MDFIC2: variants seen among roughly 807,000 people sequenced by gnomAD.
MDFIC2 encodes the protein MyoD family inhibitor domain containing 2.
intron 2 of MDFIC2, among the ~76,000 whole-genome samples, chr3:70,247,572 A>G (rs1341910679): frequency 6.6e-6 from 1 of 151,892 alleles, no homozygotes; most frequent in Non-Finnish European, 1.5e-5. Flanking sequence ...TATCAATGCC[A>G]CAACTCAATT....
At chr3:70,235,488 G>A (rs115307687) in intron 2 of MDFIC2, among the ~76,000 whole-genome samples, 195 of 152,314 alleles carry the variant, frequency 1.3e-3, no homozygotes, top group Non-Finnish European at 2.6e-3. Context: ...ATTGTTGAAT[G>A]AATGTTAAAC....
intron 2 of MDFIC2, among the ~76,000 whole-genome samples, chr3:70,235,013 G>A (rs1475421109): frequency 6.6e-6 from 1 of 152,162 alleles, no homozygotes; most frequent in Non-Finnish European, 1.5e-5. Flanking sequence ...GTGTAGCCAG[G>A]CTTGAGAACC....
chr3:70,216,026 C>T (rs7638748), intron 2 of MDFIC2, among the ~76,000 whole-genome samples: 3 of 151,710 alleles, frequency 2.0e-5, no homozygotes, highest in Non-Finnish European at 4.4e-5. Context: ...TGTGAAAATA[C>T]AAAAAGATAC....
chr3:70,216,597 A>AT (rs1559537274), intron 2 of MDFIC2, among the ~76,000 whole-genome samples: 1 of 152,030 alleles, frequency 6.6e-6, no homozygotes, highest in Non-Finnish European at 1.5e-5. Flanking sequence ...CTAGATAGAG[A>AT]TTTTTTAAGT....
At position 70,196,402 on chromosome 3, in the gene MDFIC2, T is replaced by C. The variant is rs1437684043; in HGVS notation, c.*524A>G. Among the ~76,000 whole-genome samples, 1 of 152,306 alleles carries C rather than the reference T, an allele frequency of 6.6e-6. No individual in the cohort carries two copies. The highest frequency in any genetic ancestry group is 2.4e-5 in the African/African-American group (1 of 41,570). On this transcript the variant is annotated 3_prime_UTR_variant, in exon 4 of 4. Coordinates refer to ENST00000567252, the MANE Select transcript of MDFIC2 (RefSeq NM_001364677.1). Reference sequence around the variant, plus strand: ...CCCTTTCCTACCTAAACTGTACATATAAGTGAATTTTAAGAGACTGTATAA... The same window carrying C: ...CCCTTTCCTACCTAAACTGTACATACAAGTGAATTTTAAGAGACTGTATAA...
At chr3:70,208,928 G>T (rs961466408) in intron 2 of MDFIC2, among the ~76,000 whole-genome samples, 2 of 152,010 alleles carry the variant, frequency 1.3e-5, no homozygotes, top group African/African-American at 4.8e-5. Flanking sequence ...CAGAAATAGG[G>T]ATTCAAGAAA....
At chr3:70,243,630 A>G (rs1575605109) in intron 2 of MDFIC2, among the ~76,000 whole-genome samples, 2 of 152,282 alleles carry the variant, frequency 1.3e-5, no homozygotes, top group East Asian at 3.9e-4. Flanking sequence ...GTTGGGTGGC[A>G]GCGTCCCTAG....
intron 3 of MDFIC2, among the ~76,000 whole-genome samples, chr3:70,201,826 A>C (rs1448868855): frequency 6.6e-6 from 1 of 152,142 alleles, no homozygotes; most frequent in East Asian, 1.9e-4. Flanking sequence ...AGACTGGCAA[A>C]GATCATTTTC....
chr3:70,297,656 C>G (rs1017983569), intron 2 of MDFIC2, among the ~76,000 whole-genome samples: 5 of 151,986 alleles, frequency 3.3e-5, no homozygotes, highest in African/African-American at 9.7e-5. Context: ...AGTTTCCTCC[C>G]TTATGTAAAA....
At chr3:70,203,933 A>G (rs2106722092) in intron 3 of MDFIC2, among the ~76,000 whole-genome samples, 1 of 152,238 alleles carries the variant, frequency 6.6e-6, no homozygotes, top group South Asian at 2.1e-4. Context: ...TTTCCATTTT[A>G]TTCAGGAAAG....
At chr3:70,293,045 CAAAAAAAAAAAA>C (rs55990203) in intron 2 of MDFIC2, among the ~76,000 whole-genome samples, 3 of 74,782 alleles carry the variant, frequency 4.0e-5, no homozygotes, top group Admixed American at 1.7e-4. Context: ...TGGTTTGAAG[CAAAAAAAAAAAA>C]AAAAAAAAAA....
At chr3:70,198,548 G>A (rs951373164) in intron 3 of MDFIC2, among the ~76,000 whole-genome samples, 3 of 152,142 alleles carry the variant, frequency 2.0e-5, no homozygotes, top group African/African-American at 7.2e-5. Flanking sequence ...TATAAGGTGA[G>A]TCCTGAATAT....
intron 2 of MDFIC2, among the ~76,000 whole-genome samples, chr3:70,231,982 G>A (rs1293260640): frequency 6.6e-6 from 1 of 152,114 alleles, no homozygotes; most frequent in East Asian, 1.9e-4. Flanking sequence ...CCCCCAAAGC[G>A]TTATTGTCTG....
At chr3:70,286,976 C>G (rs2106688085) in intron 2 of MDFIC2, among the ~76,000 whole-genome samples, 1 of 149,964 alleles carries the variant, frequency 6.7e-6, no homozygotes, top group South Asian at 2.2e-4. Context: ...ATGGCGTTTT[C>G]TAGATATAAA....
Position 70,275,244 on chromosome 3 carries a change from C to T in MDFIC2, c.88+36642G>A, listed in dbSNP as rs1238230163. On this transcript the variant is annotated intron_variant, in intron 2 of 3. Coordinates refer to ENST00000567252, the MANE Select transcript of MDFIC2 (RefSeq NM_001364677.1). The stretch of plus-strand genomic sequence containing the variant: ...ATGATTAAGAATACAGGACTTGGGC[C>T]GGGTACAGTGGCTTACACCTGTAAT... Among the ~76,000 whole-genome samples, 6 of 152,192 alleles carry T rather than the reference C, an allele frequency of 3.9e-5. 1 individual carries two copies. The South Asian group carries it at 6.2e-4, about 16-fold the overall frequency.
chr3:70,274,940 A>G (rs1702008524), intron 2 of MDFIC2, among the ~76,000 whole-genome samples: 1 of 152,196 alleles, frequency 6.6e-6, no homozygotes, highest in Non-Finnish European at 1.5e-5. Context: ...GAGTTATATA[A>G]AAGTGGGAAA....
At chr3:70,304,974 C>T (rs1310295772) in intron 2 of MDFIC2, among the ~76,000 whole-genome samples, 1 of 151,980 alleles carries the variant, frequency 6.6e-6, no homozygotes, top group East Asian at 1.9e-4. Flanking sequence ...ACAGGCTGTT[C>T]TCTCCAATGG....
intron 2 of MDFIC2, among the ~76,000 whole-genome samples, chr3:70,252,572 G>T (rs1413088990): frequency 6.6e-6 from 1 of 152,120 alleles, no homozygotes; most frequent in African/African-American, 2.4e-5. Flanking sequence ...CAATAAAGTG[G>T]GCCAGATAAC....
intron 2 of MDFIC2, among the ~76,000 whole-genome samples, chr3:70,237,274 T>C (rs1225646279): frequency 6.6e-6 from 1 of 152,226 alleles, no homozygotes; most frequent in Non-Finnish European, 1.5e-5. Context: ...CATCATATTC[T>C]CCAGTGCGGA....
Sources: gnomAD v4.1 joint callset for allele counts (sites outside exome capture counted in the v4.1 genomes callset) on GRCh38, gnomAD v4.1.1 for gene constraint, MANE v1.5 for transcripts, NCBI Gene and HGNC (gene_info 2026-07-23, HGNC 2026-07-21) for gene names.